IPCEF1: variants seen among roughly 807,000 people sequenced by gnomAD.
IPCEF1 encodes the protein interactor protein for cytohesin exchange factors 1.
Under a neutral mutation model 50.9 loss-of-function variants are expected in IPCEF1, and 31 were observed. The observed-to-expected ratio is 0.61, with a 90% CI of 0.46 to 0.82. The LOEUF (loss-of-function observed/expected upper bound fraction) is 0.82, where lower values mean the gene tolerates loss of function less well. IPCEF1 is among the 40% of genes least tolerant of loss of function. The pLI, the probability that IPCEF1 is intolerant of heterozygous loss-of-function variation, is 0.00. For synonymous variants in IPCEF1, 181 were observed against 192.0 expected, an observed-to-expected ratio of 0.94 and a Z score of 0.47; for missense variants, 458 against 514.0, an observed-to-expected ratio of 0.89 and a Z score of 1.05.
At chr6:154,178,404 A>T (rs1172514848) in intron 10 of IPCEF1, among the ~76,000 whole-genome samples, 1 of 152,206 alleles carries the variant, frequency 6.6e-6, no homozygotes. Flanking sequence ...TCCCTACATG[A>T]AAAATAAATG....
Position 154,212,619 on chromosome 6 carries a change from A to C in IPCEF1, c.537+151T>G. ...GTTGCTATGGAGAAGGCTCAAAATC[A>C]GCACCCTGAAAATTGCACTTGCTCG... On this transcript the variant is annotated intron_variant, in intron 9 of 11. Coordinates refer to ENST00000367220, the MANE Select transcript of IPCEF1 (RefSeq NM_001130700.2). The C allele has an allele frequency of 4.9e-6, 3 of 610,656 alleles. 1 individual carries two copies. The allele number at this position is 610,656 out of a possible 1,614,324, so 37.8% of individuals were successfully genotyped here.
intron 1 of IPCEF1, among the ~76,000 whole-genome samples, chr6:154,304,083 TGTG>T (rs1782868629): frequency 6.6e-6 from 1 of 151,700 alleles, no homozygotes; most frequent in African/African-American, 2.4e-5. Flanking sequence ...GTTAGCCTGG[TGTG>T]GTGGGGCACA....
chr6:154,179,276 C>T (rs1450923264), intron 10 of IPCEF1, among the ~76,000 whole-genome samples: 7 of 152,192 alleles, frequency 4.6e-5, no homozygotes, highest in Admixed American at 2.6e-4. Flanking sequence ...CTTGTCAAAC[C>T]TTTCTGGCTA....
At position 154,235,456 on chromosome 6, in the gene IPCEF1, G is replaced by A. The variant is rs534637849; in HGVS notation, c.246+11135C>T. Among the ~76,000 whole-genome samples, 27 of 151,264 alleles carry A rather than the reference G, an allele frequency of 1.8e-4. No individual in the cohort carries two copies. In the South Asian group the frequency reaches 2.3e-3, roughly 13 times the overall value. ...CTGAGCAGGAGAATCACTTGAACCC[G>A]GGAGGCAGAGGTCACAGTCAGCCGA... On this transcript the variant is annotated intron_variant, in intron 5 of 11. Coordinates refer to ENST00000367220, the MANE Select transcript of IPCEF1 (RefSeq NM_001130700.2).
intron 9 of IPCEF1, among the ~76,000 whole-genome samples, chr6:154,208,539 C>T (rs1018896043): frequency 3.3e-5 from 5 of 152,190 alleles, no homozygotes; most frequent in Non-Finnish European, 5.9e-5. Flanking sequence ...AGAGGTTTGG[C>T]TCCATGATGA....
chr6:154,199,526 A>G, intron 10 of IPCEF1, 142 bp downstream of exon 10: 1 of 972,842 alleles, frequency 1.0e-6, no homozygotes. Flanking sequence ...TCTACAAAGC[A>G]ACCTCTGGGC....
chr6:154,262,450 C>T (rs917600589), intron 3 of IPCEF1, among the ~76,000 whole-genome samples: 5 of 152,182 alleles, frequency 3.3e-5, no homozygotes, highest in Admixed American at 2.0e-4. Context: ...ATCTCCAGTT[C>T]CTACCCTACC....
chr6:154,211,230 C>T (rs1287495402), intron 9 of IPCEF1, among the ~76,000 whole-genome samples: 1 of 152,024 alleles, frequency 6.6e-6, no homozygotes, highest in Non-Finnish European at 1.5e-5. Flanking sequence ...TCCTGGCTAA[C>T]ACGGTGAAAT....
rs1798666246 is a variant in IPCEF1 at position 154,155,244 on chromosome 6, C to T, written c.*4584G>A. 1 of 152,114 alleles carries T rather than the reference C, an allele frequency of 6.6e-6. No individual in the cohort carries two copies. The highest frequency in any genetic ancestry group is 2.4e-5 in the African/African-American group (1 of 41,412). 9.4% of individuals were successfully genotyped at this position (152,114 alleles called of 1,614,324 possible). On this transcript the variant is annotated 3_prime_UTR_variant, in exon 12 of 12. Coordinates refer to ENST00000367220, the MANE Select transcript of IPCEF1 (RefSeq NM_001130700.2). ...TCCACAGTCCATTTCATACAGGCTG[C>T]AAACATTTAGTTTCAGGGACTTTTA...
At chr6:154,309,704 C>G (rs988204065) in intron 1 of IPCEF1, among the ~76,000 whole-genome samples, 1 of 151,822 alleles carries the variant, frequency 6.6e-6, no homozygotes, top group Non-Finnish European at 1.5e-5. Flanking sequence ...TTGTGAAATT[C>G]TACCCACCTT....
intron 2 of IPCEF1, among the ~76,000 whole-genome samples, chr6:154,266,770 T>C (rs1245367407): frequency 6.6e-6 from 1 of 152,002 alleles, no homozygotes; most frequent in Non-Finnish European, 1.5e-5. Flanking sequence ...GTTTGCACTT[T>C]GTAGTGGGTT....
intron 10 of IPCEF1, among the ~76,000 whole-genome samples, chr6:154,192,322 G>GTA (rs1554291324): frequency 3.0e-4 from 36 of 119,770 alleles, no homozygotes; most frequent in South Asian, 9.0e-4. Flanking sequence ...TGGTTACTGT[G>GTA]TGTGTGTGTG....
intron 8 of IPCEF1, 55 bp from the exon 9 acceptor site, chr6:154,212,910 A>C (rs768360689): frequency 8.3e-7 from 1 of 1,206,434 alleles, no homozygotes; most frequent in Non-Finnish European, 1.2e-6. Flanking sequence ...CTTATTCCAT[A>C]ATGCATGAGC....
intron 1 of IPCEF1, among the ~76,000 whole-genome samples, chr6:154,322,836 CA>C (rs879383764): frequency 1.5e-3 from 203 of 132,614 alleles, no homozygotes; most frequent in Middle Eastern, 3.7e-3. Flanking sequence ...GACTTTGTCT[CA>C]AAAAAAAAAA....
intron 10 of IPCEF1, among the ~76,000 whole-genome samples, chr6:154,192,404 T>C (rs1339645957): frequency 6.6e-6 from 1 of 151,882 alleles, no homozygotes; most frequent in African/African-American, 2.4e-5. Flanking sequence ...AGAACACTCT[T>C]CTATGTATAT....
chr6:154,337,189 A>G (rs1334731470), intron 1 of IPCEF1, among the ~76,000 whole-genome samples: 2 of 152,234 alleles, frequency 1.3e-5, no homozygotes, highest in African/African-American at 4.8e-5. Flanking sequence ...TAAAACAGCC[A>G]GAGCTCAGAA....
chr6:154,354,396 A>AC (rs1562300241), intron 1 of IPCEF1, among the ~76,000 whole-genome samples: 1 of 19,438 alleles, frequency 5.1e-5, no homozygotes, highest in Admixed American at 6.4e-4. Flanking sequence ...CGTCACCTCC[A>AC]ACCACCATCT....
At chr6:154,314,733 A>G (rs1429199757) in intron 1 of IPCEF1, among the ~76,000 whole-genome samples, 3 of 152,226 alleles carry the variant, frequency 2.0e-5, no homozygotes, top group Non-Finnish European at 4.4e-5. Context: ...TGTAAAAGAC[A>G]AAATTGAGAT....
rs1373020851 is a variant in IPCEF1 at position 154,199,936 on chromosome 6, G to A, written c.642C>T (p.Ser214=). The A allele has an allele frequency of 1.9e-6, 3 of 1,614,220 alleles. No individual in the cohort carries two copies. The highest frequency in any genetic ancestry group is 2.5e-6 in the Non-Finnish European group (3 of 1,180,036). ...TVKTPSSFPS[S]LSKERQSLPD... Reference sequence around the variant, plus strand: ...GCAAGGATTGTCTCTCTTTAGATAAGGAGGAAGGAAAACTGCTGGGTGTCT... The same window carrying A: ...GCAAGGATTGTCTCTCTTTAGATAAAGAGGAAGGAAAACTGCTGGGTGTCT... Residue 214 remains serine, a synonymous_variant, in exon 10 of 12, where the codon TCC becomes TCT. Coordinates refer to ENST00000367220, the MANE Select transcript of IPCEF1 (RefSeq NM_001130700.2).
Sources: allele counts gnomAD v4.1 joint callset (sites outside exome capture counted in the v4.1 genomes callset), GRCh38; gene constraint gnomAD v4.1.1; transcripts MANE v1.5; gene names NCBI Gene and HGNC (gene_info 2026-07-23, HGNC 2026-07-21).